Variants in FUNDC1 observed in about 807,000 individuals in gnomAD.
FUNDC1 encodes FUN14 domain-containing protein 1.
FUNDC1 carries 10 observed loss-of-function variants against 14.5 expected under a neutral mutation model. That is an observed-to-expected ratio of 0.69 (90% CI 0.43 to 1.17). FUNDC1 has a LOEUF of 1.17. Among genes scored for constraint, FUNDC1 ranks in the 50% most tolerant of loss-of-function variants. The pLI, the probability that FUNDC1 is intolerant of heterozygous loss-of-function variation, is 0.00. For synonymous variants in FUNDC1, 33 were observed against 39.7 expected (o/e 0.83, Z 0.64); for missense variants, 115 against 113.8 (o/e 1.01, Z -0.05).
intron 2 of FUNDC1, among the ~76,000 whole-genome samples, chrX:44,541,274 C>G (rs1171508744): frequency 2.7e-5 from 3 of 112,128 alleles, no homozygotes; most frequent in African/African-American, 9.7e-5. Context: ...ATTATAAGAA[C>G]AGAATTAGAT....
At chrX:44,540,217 G>A (rs2038964969) in intron 2 of FUNDC1, among the ~76,000 whole-genome samples, 1 of 111,348 alleles carries the variant, frequency 9.0e-6, no homozygotes, top group Non-Finnish European at 1.9e-5. Context: ...GGTCTAAATT[G>A]CTAACTTGTT....
At chrX:44,537,819 T>C (rs1187603901) in intron 3 of FUNDC1, among the ~76,000 whole-genome samples, 2 of 112,614 alleles carry the variant, frequency 1.8e-5, no homozygotes, top group Non-Finnish European at 3.7e-5. Flanking sequence ...CAAGGAATGA[T>C]ATTTTTGAAA....
chrX:44,524,407 C>A (rs767515675), intron 4 of FUNDC1, 132 bp from the exon 5 acceptor site: 1 of 464,674 alleles, frequency 2.2e-6, no homozygotes. Context: ...TATGAGTAGT[C>A]AGAAAGCAGA....
chrX:44,524,998 T>C (rs2038895378), intron 4 of FUNDC1, among the ~76,000 whole-genome samples: 1 of 110,618 alleles, frequency 9.0e-6, no homozygotes, highest in African/African-American at 3.3e-5. Context: ...ATGTACAGGA[T>C]CAAAACCAAA....
rs1436763175 is a variant in FUNDC1 at position 44,542,002 on chromosome X, G to A, written c.128C>T (p.Pro43Leu). 1 of 1,204,719 alleles carries A rather than the reference G, an allele frequency of 8.3e-7. No homozygotes were observed. The highest frequency in any genetic ancestry group is 1.1e-6 in the Non-Finnish European group (1 of 891,923). ...AGCTACTGAGTATTTTTCTACCATA[G>A]GTCCCGAACTGTGGCCAAACACTCG... is the stretch of plus-strand genomic sequence containing the variant. ...WNRVFGHSSGPMVEKYSVATQ... is the reference protein window; with the variant it reads ...WNRVFGHSSGLMVEKYSVATQ... The change falls in exon 2 of 5, where the codon CCT (proline) becomes CTT (leucine). Residue 43 changes from proline to leucine, a missense_variant. Transcript: ENST00000378045.
intron 3 of FUNDC1, among the ~76,000 whole-genome samples, chrX:44,536,700 A>G (rs1387827677): frequency 8.9e-6 from 1 of 111,852 alleles, no homozygotes; most frequent in Admixed American, 9.6e-5. Flanking sequence ...TACCTTAAGA[A>G]TCAGTTAAGA....
In FUNDC1 at chrX:44,527,324, T is replaced by G; in HGVS notation, c.303A>C (p.Arg101Ser). The G allele has an allele frequency of 8.4e-7, 1 of 1,193,826 alleles. No individual in the cohort carries two copies. The highest frequency in any genetic ancestry group is 1.1e-6 in the Non-Finnish European group (1 of 883,037). ...TTGCTTTATTTACATCTTTTTCAAC[T>G]CTCTTCCAGTCAATCTGCACATAGC... ...HSGYVQIDWK[R>S]VEKDVNKAKR... The change falls in exon 4 of 5, where the codon AGA becomes AGC. Residue 101 changes from arginine (R) to serine (S), a missense_variant. By Grantham distance (110) the Arg-to-Ser change is moderately radical. Coordinates refer to ENST00000378045, the MANE Select transcript of FUNDC1 (RefSeq NM_173794.4).
rs1316764629 is a variant in FUNDC1 at position 44,524,026 on chromosome X, A to G, written c.*172T>C. 2.3e-6 allele frequency: 1 copy of G among 439,642 alleles called. No homozygotes were observed. Among genetic ancestry groups the G allele is most frequent in the East Asian group, 3.8e-5 (1 of 26,253 alleles). 36.2% of individuals were successfully genotyped at this position (439,642 alleles called of 1,213,427 possible). ...CCATATAGGTTGTTTTACAGCAGATACTAGTTTGCCAAGCTTCAGATGGCA... is the reference window on the plus strand; with the variant it reads ...CCATATAGGTTGTTTTACAGCAGATGCTAGTTTGCCAAGCTTCAGATGGCA... On this transcript the variant is annotated 3_prime_UTR_variant, in exon 5 of 5. Transcript: ENST00000378045.
At chrX:44,540,707 T>C (rs907710163) in intron 2 of FUNDC1, among the ~76,000 whole-genome samples, 8 of 111,999 alleles carry the variant, frequency 7.1e-5, no homozygotes, top group Non-Finnish European at 1.5e-4. Flanking sequence ...TATTCTCAAT[T>C]ATTTTTGAGT....
intron 3 of FUNDC1, among the ~76,000 whole-genome samples, chrX:44,531,318 ACACACACAC>A (rs2038924263): frequency 3.4e-4 from 9 of 26,111 alleles, no homozygotes; most frequent in African/African-American, 1.5e-3. Context: ...TTGGCCAGAC[ACACACACAC>A]ACACACACAC....
At chrX:44,536,319 GA>G (rs56323948) in intron 3 of FUNDC1, among the ~76,000 whole-genome samples, 12,337 of 64,469 alleles carry the variant, frequency 0.19, 757 homozygotes, top group East Asian at 0.26. Flanking sequence ...ACTCTGTCTC[GA>G]AAAAAAAAAA....
chrX:44,529,421 G>A (rs1004804162), intron 3 of FUNDC1, among the ~76,000 whole-genome samples: 7 of 110,979 alleles, frequency 6.3e-5, no homozygotes, highest in Non-Finnish European at 1.3e-4. Flanking sequence ...AGATGCTAAA[G>A]ATACTAACGC....
At chrX:44,524,383 C>T in intron 4 of FUNDC1, 108 bp from the exon 5 acceptor site, 1 of 522,633 alleles carries the variant, frequency 1.9e-6, no homozygotes. Context: ...ACAGATATTA[C>T]ATGATTCTGC....
At chrX:44,530,719 C>T (rs1236507269) in intron 3 of FUNDC1, among the ~76,000 whole-genome samples, 1 of 110,869 alleles carries the variant, frequency 9.0e-6, no homozygotes, top group Non-Finnish European at 1.9e-5. Flanking sequence ...AGTTCGAGAT[C>T]AGCCATGTCA....
At chrX:44,539,732 T>C (rs892450154) in intron 2 of FUNDC1, among the ~76,000 whole-genome samples, 3 of 111,492 alleles carry the variant, frequency 2.7e-5, no homozygotes, top group Non-Finnish European at 5.7e-5. Context: ...ACTGGTGCCA[T>C]CTCAGCCCAC....
At chrX:44,526,781 AG>A (rs779037418) in intron 4 of FUNDC1, among the ~76,000 whole-genome samples, 1 of 111,291 alleles carries the variant, frequency 9.0e-6, no homozygotes, top group East Asian at 2.8e-4. Flanking sequence ...AACAAAGGCA[AG>A]GAAGTATTCA....
intron 2 of FUNDC1, among the ~76,000 whole-genome samples, chrX:44,540,651 A>G (rs1295511679): frequency 8.9e-6 from 1 of 111,947 alleles, no homozygotes; most frequent in Non-Finnish European, 1.9e-5. Flanking sequence ...TTCATCTACA[A>G]GGAGTCTGGT....
At chrX:44,537,727 G>A (rs1415563828) in intron 3 of FUNDC1, among the ~76,000 whole-genome samples, 1 of 111,693 alleles carries the variant, frequency 9.0e-6, no homozygotes, top group Non-Finnish European at 1.9e-5. Flanking sequence ...TAGTACAAGT[G>A]ACAGTTCTCT....
intron 3 of FUNDC1, among the ~76,000 whole-genome samples, chrX:44,528,286 C>G (rs1303055771): frequency 1.8e-5 from 2 of 112,152 alleles, no homozygotes; most frequent in Non-Finnish European, 3.8e-5. Flanking sequence ...CATAAACAGG[C>G]TGACTAGAAA....
Sources: allele counts gnomAD v4.1 joint callset (sites outside exome capture counted in the v4.1 genomes callset), GRCh38; gene constraint gnomAD v4.1.1; transcripts MANE v1.5; gene names NCBI Gene and HGNC (gene_info 2026-07-23, HGNC 2026-07-21).